CDH10: variants seen among roughly 807,000 people sequenced by gnomAD.
The protein encoded by CDH10 is cadherin-10.
A neutral mutation model predicts 73.1 loss-of-function variants in CDH10; 30 were observed. The ratio of observed to expected loss-of-function variants is 0.41; its 90% CI spans 0.31 to 0.56. The LOEUF (loss-of-function observed/expected upper bound fraction) is 0.56, where lower values mean the gene tolerates loss of function less well. Among genes scored for constraint, CDH10 ranks in the 20% least tolerant of loss-of-function variants. CDH10 has a pLI of 0.27. For synonymous variants in CDH10, 345 were observed against 348.2 expected, an observed-to-expected ratio of 0.99 and a Z score of 0.10; for missense variants, 815 against 973.7, an observed-to-expected ratio of 0.84 and a Z score of 2.17.
rs1332254352 is a variant in CDH10 at position 24,593,525 on chromosome 5, G to A, written c.-35C>T. On this transcript the variant is annotated 5_prime_UTR_variant, in exon 2 of 12. Coordinates refer to ENST00000264463, the MANE Select transcript of CDH10 (RefSeq NM_006727.5). ...CTTGACAAATCCCAGTGTAGATGAA[G>A]AGAAGTGGTCCTATTTTACCCAGTT... The A allele has an allele frequency of 1.7e-6, 2 of 1,204,548 alleles. No individual in the cohort carries two copies. Among genetic ancestry groups the A allele is most frequent in the Non-Finnish European group, 2.5e-6 (2 of 809,810 alleles). The allele number at this position is 1,204,548 out of a possible 1,614,324, so 74.6% of individuals were successfully genotyped here. A position where few individuals can be genotyped will look rare whatever the true frequency, so the allele number is the denominator to read the frequency against.
At chr5:24,494,969 T>G (rs2111662526) in intron 9 of CDH10, among the ~76,000 whole-genome samples, 1 of 152,262 alleles carries the variant, frequency 6.6e-6, no homozygotes, top group Non-Finnish European at 1.5e-5. Flanking sequence ...TTTTTTCCTT[T>G]AAGACATTAC....
chr5:24,549,596 G>C (rs12517433), intron 2 of CDH10, among the ~76,000 whole-genome samples: 88,820 of 148,044 alleles, frequency 0.6, 27,160 homozygotes, highest in East Asian at 0.68. Flanking sequence ...TTGTCTCCCA[G>C]GCTGAAGTGC....
intron 1 of CDH10, 32 bp downstream of exon 1, chr5:24,644,562 G>A (rs890747301): frequency 1.3e-5 from 2 of 150,288 alleles, no homozygotes; most frequent in African/African-American, 4.9e-5. Context: ...ATACCTTAAC[G>A]GAGTTAAAAG....
At chr5:24,501,061 A>C (rs1286324509) in intron 8 of CDH10, among the ~76,000 whole-genome samples, 8 of 152,218 alleles carry the variant, frequency 5.3e-5, no homozygotes, top group Non-Finnish European at 2.9e-5. Context: ...AAAAGTGGGA[A>C]GGTATGCTTC....
chr5:24,556,285 C>A lies in CDH10; in HGVS notation c.232-18611G>T, dbSNP rs866490320. Among the ~76,000 whole-genome samples, 65 of 151,940 alleles carry A rather than the reference C, an allele frequency of 4.3e-4. 2 individuals are homozygous for A. The highest frequency in any genetic ancestry group is 1.3e-4 in the Admixed American group (2 of 15,226). Reference sequence around the variant, plus strand: ...TTGTGCTTCTAATCTATACTTAATTCATTTTTTCTTTAGCTAGGAAAGCAA... The same window carrying A: ...TTGTGCTTCTAATCTATACTTAATTAATTTTTTCTTTAGCTAGGAAAGCAA... On this transcript the variant is annotated intron_variant, in intron 2 of 11. Transcript: ENST00000264463.
intron 9 of CDH10, among the ~76,000 whole-genome samples, chr5:24,497,106 G>A (rs1243227195): frequency 1.3e-5 from 2 of 152,060 alleles, no homozygotes; most frequent in African/African-American, 4.8e-5. Context: ...TGGAGACGTT[G>A]TGAGCCAGTT....
At chr5:24,511,856 C>A (rs2111770431) in intron 5 of CDH10, among the ~76,000 whole-genome samples, 1 of 152,172 alleles carries the variant, frequency 6.6e-6, no homozygotes, top group East Asian at 1.9e-4. Context: ...AGGTGGAGGC[C>A]ATTATCCTTA....
chr5:24,522,540 G>T lies in CDH10; in HGVS notation c.815-11026C>A, dbSNP rs182692940. Among the ~76,000 whole-genome samples the T allele has an allele frequency of 6.6e-5, 10 of 152,100 alleles. No individual in the cohort carries two copies. In the South Asian group the frequency reaches 1.9e-3, roughly 28 times the overall value. Reference sequence around the variant, plus strand: ...AATAAAAAAGTCTGGGATGACAGGCGTCCCTGACTATGAAGATTAGCCAGC... The same window carrying T: ...AATAAAAAAGTCTGGGATGACAGGCTTCCCTGACTATGAAGATTAGCCAGC... On this transcript the variant is annotated intron_variant, in intron 5 of 11. Transcript: ENST00000264463.
intron 1 of CDH10, chr5:24,609,841 C>T (rs1291614511): frequency 1.3e-5 from 2 of 152,246 alleles, no homozygotes; most frequent in South Asian, 4.1e-4. Context: ...TAGCTGGCTT[C>T]GCATCGATGA....
intron 2 of CDH10, among the ~76,000 whole-genome samples, chr5:24,568,465 G>A (rs768563948): frequency 6.6e-6 from 1 of 152,040 alleles, no homozygotes; most frequent in Non-Finnish European, 1.5e-5. Flanking sequence ...TACCCATAAG[G>A]ATAGTTATTT....
chr5:24,621,778 C>T (rs1293190509), intron 1 of CDH10, among the ~76,000 whole-genome samples: 3 of 152,142 alleles, frequency 2.0e-5, no homozygotes, highest in African/African-American at 7.2e-5. Context: ...CATTTATATG[C>T]ACACATATAA....
chr5:24,496,559 T>C (rs1000280359), intron 9 of CDH10, among the ~76,000 whole-genome samples: 11 of 152,166 alleles, frequency 7.2e-5, no homozygotes, highest in Admixed American at 2.0e-4. Flanking sequence ...GGTCATTAGT[T>C]TTATTTGTCA....
chr5:24,570,788 T>C (rs1745348742), intron 2 of CDH10, among the ~76,000 whole-genome samples: 1 of 152,160 alleles, frequency 6.6e-6, no homozygotes, highest in African/African-American at 2.4e-5. Flanking sequence ...ATTTTTTATC[T>C]AATTTGCTTT....
At chr5:24,541,567 C>T (rs1744158483) in intron 2 of CDH10, among the ~76,000 whole-genome samples, 2 of 151,890 alleles carry the variant, frequency 1.3e-5, no homozygotes, top group Non-Finnish European at 1.5e-5. Flanking sequence ...GGGTCACACG[C>T]CAAAAAACTT....
intron 2 of CDH10, among the ~76,000 whole-genome samples, chr5:24,565,776 C>G (rs1745145531): frequency 6.8e-6 from 1 of 147,152 alleles, no homozygotes; most frequent in Non-Finnish European, 1.5e-5. Context: ...CACACACACA[C>G]CCACACCCAC....
chr5:24,524,745 T>C (rs1219827003), intron 5 of CDH10, among the ~76,000 whole-genome samples: 1 of 152,036 alleles, frequency 6.6e-6, no homozygotes, highest in East Asian at 1.9e-4. Flanking sequence ...TAAAGTCGTA[T>C]TGAAAAAGTA....
chr5:24,579,047 G>A (rs1745697341), intron 2 of CDH10, among the ~76,000 whole-genome samples: 1 of 151,762 alleles, frequency 6.6e-6, no homozygotes, highest in Admixed American at 6.6e-5. Flanking sequence ...ATTATTTAAG[G>A]TAATCACTCA....
At chr5:24,494,230 A>G (rs1742176378) in intron 9 of CDH10, among the ~76,000 whole-genome samples, 1 of 151,948 alleles carries the variant, frequency 6.6e-6, no homozygotes, top group South Asian at 2.1e-4. Context: ...CAAGAATTAT[A>G]AAAAAGCAAG....
At chr5:24,614,441 T>G (rs1747063374) in intron 1 of CDH10, among the ~76,000 whole-genome samples, 1 of 152,202 alleles carries the variant, frequency 6.6e-6, no homozygotes. Flanking sequence ...TGGAAAACAC[T>G]AATTGGGTGC....
Sources: allele counts gnomAD v4.1 joint callset (sites outside exome capture counted in the v4.1 genomes callset), GRCh38; gene constraint gnomAD v4.1.1; transcripts MANE v1.5; gene names NCBI Gene and HGNC (gene_info 2026-07-23, HGNC 2026-07-21).